The following WRAP53 variants were observed in gnomAD, a reference collection of about 807,000 sequenced individuals.
WRAP53 encodes the protein telomerase Cajal body protein 1.
In WRAP53, 28 loss-of-function variants were observed where a neutral mutation model predicts 56.6. That is an observed-to-expected ratio of 0.50 (90% CI 0.37 to 0.68). The LOEUF is 0.68. WRAP53 is among the 30% of genes least tolerant of loss of function. The pLI, the probability that WRAP53 is intolerant of heterozygous loss-of-function variation, is 0.00. For synonymous variants in WRAP53, 283 were observed against 283.4 expected (o/e 1.00, Z 0.01); for missense variants, 671 against 715.5 (o/e 0.94, Z 0.71).
In WRAP53 at chr17:7,689,086, G is replaced by A. The variant is rs755715290; in HGVS notation, c.431+7G>A. ...CAGAGGACGAGGGAGACACGTAAGT[G>A]GTGATGGCAGTGGAGTGTGGAGTCT... On this transcript the variant is annotated splice_region_variant and intron_variant, in intron 2 of 10. Transcript: ENST00000396463. 6.2e-7 allele frequency: 1 copy of A among 1,614,116 alleles called. No homozygotes were observed. The highest frequency in any genetic ancestry group is 8.5e-7 in the Non-Finnish European group (1 of 1,179,992).
rs2074235208 is a variant in WRAP53, at chr17:7,699,476, T to TTATATTTATATATA, written c.643-1260_643-1259insTTATATATATATAT. Among the ~76,000 whole-genome samples the TTATATTTATATATA allele has an allele frequency of 1.1e-3, 13 of 11,398 alleles. 1 individual carries two copies. The highest frequency in any genetic ancestry group is 1.5e-3 in the Non-Finnish European group (11 of 7,420). The allele number at this position is 11,398 out of a possible 152,430, so 7.5% of individuals were successfully genotyped here. Reference sequence around the variant, plus strand: ...TATATATTTATATATATATATATATTTATATATATATATATATATATATAT... The same window carrying TTATATTTATATATA: ...TATATATTTATATATATATATATATTTATATTTATATATATATATATATATATATATATATATAT... On this transcript the variant is annotated intron_variant, in intron 4 of 10. Coordinates refer to ENST00000396463, the MANE Select transcript of WRAP53 (RefSeq NM_001143992.2).
At chr17:7,691,504 C>T (rs1041454821) in intron 4 of WRAP53, among the ~76,000 whole-genome samples, 1 of 151,330 alleles carries the variant, frequency 6.6e-6, no homozygotes, top group African/African-American at 2.4e-5. Flanking sequence ...ATTCTCCTGC[C>T]TCAGCCTCCC....
chr17:7,700,959 A>C, intron 5 of WRAP53, 130 bp downstream of exon 5: 3 of 708,644 alleles, frequency 4.2e-6, no homozygotes, highest in Non-Finnish European at 7.6e-6. Flanking sequence ...GGGGCTGGTC[A>C]GTTGGCTTCC....
At chr17:7,697,850 A>G (rs564793951) in intron 4 of WRAP53, among the ~76,000 whole-genome samples, 1 of 150,282 alleles carries the variant, frequency 6.7e-6, no homozygotes, top group South Asian at 2.1e-4. Context: ...CAATACCAAG[A>G]AGATAAAGAA....
At chr17:7,699,167 C>T (rs1040399431) in intron 4 of WRAP53, among the ~76,000 whole-genome samples, 7 of 151,420 alleles carry the variant, frequency 4.6e-5, no homozygotes, top group Non-Finnish European at 7.4e-5. Flanking sequence ...CACCTGTAAT[C>T]CCAGCACTTT....
chr17:7,687,432 A>C (rs574904138), upstream of WRAP53: 3 of 398,548 alleles, frequency 7.5e-6, no homozygotes, highest in African/African-American at 4.1e-5. Context: ...CCCGAACGCA[A>C]AGTGTCCCCG....
chr17:7,695,784 C>T (rs914423151), intron 4 of WRAP53, among the ~76,000 whole-genome samples: 5 of 152,142 alleles, frequency 3.3e-5, no homozygotes, highest in African/African-American at 1.2e-4. Context: ...CATCCAATTA[C>T]TTCCCAAATC....
chr17:7,690,094 G>A (rs546984139), intron 4 of WRAP53, among the ~76,000 whole-genome samples: 9 of 152,228 alleles, frequency 5.9e-5, no homozygotes, highest in Admixed American at 2.0e-4. Context: ...TATTACAGGC[G>A]CACGCCATCA....
intron 4 of WRAP53, among the ~76,000 whole-genome samples, chr17:7,699,502 T>TATTTATA (rs1567577549): frequency 8.5e-5 from 1 of 11,764 alleles, no homozygotes; most frequent in Non-Finnish European, 1.3e-4. Flanking sequence ...ATATATATAT[T>TATTTATA]TATATATATA....
intron 4 of WRAP53, among the ~76,000 whole-genome samples, chr17:7,698,870 C>T (rs1025352998): frequency 1.4e-5 from 2 of 139,206 alleles, no homozygotes; most frequent in African/African-American, 3.0e-5. Context: ...AGCGAGACTC[C>T]GTCAAAAATA....
At position 7,702,845 on chromosome 17, in the gene WRAP53, C is replaced by A; in HGVS notation, c.1267C>A (p.Pro423Thr). 6.2e-7 allele frequency: 1 copy of A among 1,613,812 alleles called. No homozygotes were observed. Among genetic ancestry groups the A allele is most frequent in the Non-Finnish European group, 8.5e-7 (1 of 1,179,996 alleles). Reference sequence around the variant, plus strand: ...TCAGCGCATCTACTTCGATCTGGACCCGTGAGTGGCTGTGACTCCTTCCTA... The same window carrying A: ...TCAGCGCATCTACTTCGATCTGGACACGTGAGTGGCTGTGACTCCTTCCTA... ...TNQRIYFDLD[P>T]TGQFLVSGST... Residue 423 changes from proline (P) to threonine (T), a missense_variant and splice_region_variant, in exon 9 of 11, where the codon CCG becomes ACG. By Grantham distance (38) the Pro-to-Thr change is conservative. Around this residue, in one of 3 missense-constraint regions of WRAP53, gnomAD observed 158 missense variants for 215.7 expected, o/e 0.73. Transcript: ENST00000396463. The surrounding 1 kb of genome is among the most constrained non-coding windows in gnomAD (Gnocchi z 5.0).
In WRAP53 at chr17:7,689,123, G is replaced by C. The variant is rs530253587; in HGVS notation, c.431+44G>C. 11 of 1,614,066 alleles carry C rather than the reference G, an allele frequency of 6.8e-6. No individual in the cohort carries two copies. In the South Asian group the frequency reaches 1.2e-4, roughly 18 times the overall value. On this transcript the variant is annotated intron_variant, in intron 2 of 10. Coordinates refer to ENST00000396463, the MANE Select transcript of WRAP53 (RefSeq NM_001143992.2). ...GGAGTGTGGAGTCTGGGGAGATGAA[G>C]TGTGAGGTCGATCTGTCCTCTGGTC...
chr17:7,689,847 G>A (rs1186268951), intron 4 of WRAP53, 146 bp downstream of exon 4: 13 of 657,584 alleles, frequency 2.0e-5, no homozygotes, highest in South Asian at 5.5e-5. Context: ...TTTCTGCCCC[G>A]AATTCTGAAG....
At position 7,703,458 on chromosome 17, in the gene WRAP53, C is replaced by A. The variant is rs375718073; in HGVS notation, c.1619C>A (p.Thr540Lys). Residue 540 changes from threonine (T) to lysine (K), a missense_variant, in exon 11 of 11, where the codon ACG (threonine) becomes AAG (lysine). Around this residue, in one of 3 missense-constraint regions of WRAP53, gnomAD observed 107 missense variants for 81.3 expected, o/e 1.32. Transcript: ENST00000396463. ...DHQGEKGQGGTEGGVGELI is the reference protein window; with the variant it reads ...DHQGEKGQGGKEGGVGELI Reference sequence around the variant, plus strand: ...CAGGGCGAGAAAGGGCAGGGAGGAACGGAGGGAGGTGTGGGTGAGCTGATA... The same window carrying A: ...CAGGGCGAGAAAGGGCAGGGAGGAAAGGAGGGAGGTGTGGGTGAGCTGATA... 17 of 1,608,638 alleles carry A rather than the reference C, an allele frequency of 1.1e-5. No homozygotes were observed. Among genetic ancestry groups the A allele is most frequent in the Non-Finnish European group, 1.4e-5 (16 of 1,179,202 alleles).
Position 7,701,624 on chromosome 17 carries a change from C to T in WRAP53, c.823-33C>T. ...TTCCTTGAGGGCAGCTGAGGCTTTGCAAGACCTGTTTTCAGCCCTTTCCTT... is the reference window on the plus strand; with the variant it reads ...TTCCTTGAGGGCAGCTGAGGCTTTGTAAGACCTGTTTTCAGCCCTTTCCTT... On this transcript the variant is annotated intron_variant, in intron 6 of 10. Coordinates refer to ENST00000396463, the MANE Select transcript of WRAP53 (RefSeq NM_001143992.2). The surrounding 1 kb of genome is among the most constrained non-coding windows in gnomAD (Gnocchi z 4.2). The T allele has an allele frequency of 1.2e-6, 2 of 1,614,252 alleles. No individual in the cohort carries two copies. Among genetic ancestry groups the T allele is most frequent in the Non-Finnish European group, 8.5e-7 (1 of 1,180,038 alleles).
At chr17:7,695,230 C>T (rs973773720) in intron 4 of WRAP53, among the ~76,000 whole-genome samples, 1 of 152,308 alleles carries the variant, frequency 6.6e-6, no homozygotes, top group African/African-American at 2.4e-5. Flanking sequence ...GCTGGGATTA[C>T]AGGCGTGAGC....
rs758757518 is a variant in WRAP53, at chr17:7,701,906, G to A, written c.955+117G>A. On this transcript the variant is annotated intron_variant, in intron 7 of 10. Coordinates refer to ENST00000396463, the MANE Select transcript of WRAP53 (RefSeq NM_001143992.2). This position sits in a 1 kb window ranked among gnomAD's most constrained non-coding sequence, Gnocchi z 4.2. ...TTCACGCCGTCCTCTGTACGGCCCCGGGAGCAGGTGCAGCCCAGTCGGCAG... is the reference window on the plus strand; with the variant it reads ...TTCACGCCGTCCTCTGTACGGCCCCAGGAGCAGGTGCAGCCCAGTCGGCAG... 4.1e-5 allele frequency: 61 copies of A among 1,499,516 alleles called. No individual in the cohort carries two copies. The Middle Eastern group carries it at 6.7e-4, about 17-fold the overall frequency. The allele number at this position is 1,499,516 out of a possible 1,614,324, so 92.9% of individuals were successfully genotyped here.
chr17:7,686,990 G>A (rs1291528749), upstream of WRAP53: 1 of 226,936 alleles, frequency 4.4e-6, no homozygotes, highest in Non-Finnish European at 8.5e-6. Flanking sequence ...ACAGCTATGA[G>A]TTCTCAATGT....
rs765624214 is a variant in WRAP53, at chr17:7,689,070, AGG to A, written c.424_425del (p.Gly142ArgfsTer27). ...TCTGGGGAACCCGCTGCAGAGGACG[AGG>A]GAGACACGTAAGTGGTGATGGCAGT... On this transcript the variant is annotated frameshift_variant, in exon 2 of 11. Coordinates refer to ENST00000396463, the MANE Select transcript of WRAP53 (RefSeq NM_001143992.2). LOFTEE classifies it high-confidence loss of function. 1.2e-6 allele frequency: 2 copies of A among 1,614,112 alleles called. No homozygotes were observed.
Sources: allele counts gnomAD v4.1 joint callset (sites outside exome capture counted in the v4.1 genomes callset), GRCh38; gene constraint gnomAD v4.1.1; regional missense constraint gnomAD v4.1.1; non-coding constraint Gnocchi (gnomAD v3.1); transcripts MANE v1.5; gene names NCBI Gene and HGNC (gene_info 2026-07-23, HGNC 2026-07-21).